Variants in MATK observed in about 807,000 individuals in gnomAD.
The protein encoded by MATK is megakaryocyte-associated tyrosine-protein kinase.
In MATK, 41 loss-of-function variants were observed where a neutral mutation model predicts 59.8. The ratio of observed to expected loss-of-function variants is 0.69; its 90% CI spans 0.53 to 0.89. The LOEUF (loss-of-function observed/expected upper bound fraction) is 0.89, where lower values mean the gene tolerates loss of function less well. Ranked by LOEUF, MATK falls within the 40% of genes least tolerant of loss-of-function variation. The pLI is 0.00. For synonymous variants in MATK, 308 were observed against 306.1 expected (o/e 1.01, Z -0.06); for missense variants, 593 against 719.6 (o/e 0.82, Z 2.01).
upstream of MATK, chr19:3,786,527 A>ACCCC (rs3833281): frequency 1.5e-5 from 5 of 344,724 alleles, no homozygotes; most frequent in Non-Finnish European, 1.6e-5. This position sits in a 1 kb window ranked among gnomAD's most constrained non-coding sequence, Gnocchi z 4.1. Context: ...TCGGGCGTGC[A>ACCCC]CCCCCCACCC....
upstream of MATK, chr19:3,787,645 C>G (rs1447427394): frequency 6.6e-6 from 1 of 151,002 alleles, no homozygotes; most frequent in Non-Finnish European, 1.5e-5. Context: ...TTCGGCCTCC[C>G]AAAGTGCTGG....
At chr19:3,780,414 AT>A (rs1374027646) in intron 8 of MATK, among the ~76,000 whole-genome samples, 1 of 151,282 alleles carries the variant, frequency 6.6e-6, no homozygotes. Context: ...TGTTTTTTGC[AT>A]TTTTATTTTT....
At chr19:3,795,179 G>T (rs1450040587) in intron 1 of MATK, among the ~76,000 whole-genome samples, 1 of 151,134 alleles carries the variant, frequency 6.6e-6, no homozygotes, top group Non-Finnish European at 1.5e-5. Context: ...GGATTTCATC[G>T]TGTTAGCCAG....
At position 3,785,267 on chromosome 19, in the gene MATK, AGCCTG is replaced by A; in HGVS notation, c.-137_-133del. 1 of 1,527,994 alleles carries A rather than the reference AGCCTG, an allele frequency of 6.5e-7. No homozygotes were observed. Among genetic ancestry groups the A allele is most frequent in the Admixed American group, 2.1e-5 (1 of 47,868 alleles). 94.7% of individuals were successfully genotyped at this position (1,527,994 alleles called of 1,614,324 possible). A position where few individuals can be genotyped will look rare whatever the true frequency, so the allele number is the denominator to read the frequency against. On this transcript the variant is annotated 5_prime_UTR_variant, in exon 2 of 14. Transcript: ENST00000310132. ...TAGGGAGCTGGGTGCCACTGGACCG[AGCCTG>A]GTTCTTCCTGTTTTCTGGTTGGTAG...
intron 7 of MATK, among the ~76,000 whole-genome samples, chr19:3,782,078 T>C (rs1268609972): frequency 1.3e-5 from 2 of 152,126 alleles, no homozygotes; most frequent in East Asian, 3.9e-4. Flanking sequence ...TTTGGCTCTC[T>C]TGTCCCTCCA....
At chr19:3,784,284 G>A in intron 4 of MATK, 45 bp from the exon 5 acceptor site, 1 of 1,595,294 alleles carries the variant, frequency 6.3e-7, no homozygotes. Context: ...GTGTGGGGGT[G>A]GTCCTGGTGG....
At chr19:3,790,044 GGT>G, upstream of MATK, among the ~76,000 whole-genome samples, 1 of 152,176 alleles carries the variant, frequency 6.6e-6, no homozygotes, top group African/African-American at 2.4e-5. Flanking sequence ...TGGGATTACA[GGT>G]GCCCGCCACC....
chr19:3,786,873 G>A (rs184489209), upstream of MATK, among the ~76,000 whole-genome samples: 264 of 152,250 alleles, frequency 1.7e-3, 1 homozygote, highest in African/African-American at 6.2e-3. The surrounding 1 kb of genome is among the most constrained non-coding windows in gnomAD (Gnocchi z 4.1). Context: ...ACTTCTTAGA[G>A]CTGCCCTCCT....
At chr19:3,789,792 T>G (rs137997526), upstream of MATK, among the ~76,000 whole-genome samples, 72,883 of 147,762 alleles carry the variant, frequency 0.49, 19,446 homozygotes, top group South Asian at 0.68. Flanking sequence ...TGGCCTGATC[T>G]CGGCTCACTG....
At chr19:3,793,934 C>A (rs559231530) in intron 1 of MATK, among the ~76,000 whole-genome samples, 1 of 151,954 alleles carries the variant, frequency 6.6e-6, no homozygotes, top group East Asian at 1.9e-4. Context: ...GTGTGCCTCC[C>A]GGTGCTTTGT....
chr19:3,795,082 A>G (rs1380592664), intron 1 of MATK, among the ~76,000 whole-genome samples: 1 of 141,672 alleles, frequency 7.1e-6, no homozygotes, highest in Admixed American at 7.7e-5. Flanking sequence ...GGTTCACACC[A>G]TTGTCCTGCC....
At chr19:3,785,805 C>T (rs1212217220) in intron 1 of MATK, 1 of 153,282 alleles carries the variant, frequency 6.5e-6, no homozygotes, top group Non-Finnish European at 1.5e-5. Context: ...AGCCGCCCCA[C>T]ACTGGAACAC....
chr19:3,784,041 C>A lies in MATK; in HGVS notation c.363-8G>T, dbSNP rs750746631. ...ATCTTCCCGTGGAACCACCTGCGGC[C>A]ACGGAAGGGGTGGGTCAGACTGGGC... is the stretch of plus-strand genomic sequence containing the variant. On this transcript the variant is annotated splice_polypyrimidine_tract_variant and splice_region_variant and intron_variant, in intron 5 of 13. Transcript: ENST00000310132. The A allele has an allele frequency of 6.2e-7, 1 of 1,601,226 alleles. No individual in the cohort carries two copies. The highest frequency in any genetic ancestry group is 1.1e-5 in the South Asian group (1 of 90,014).
intron 7 of MATK, among the ~76,000 whole-genome samples, chr19:3,782,339 C>T (rs2037413532): frequency 6.6e-6 from 1 of 152,136 alleles, no homozygotes; most frequent in Non-Finnish European, 1.5e-5. Flanking sequence ...GATCATTGGC[C>T]AGGGTGATGC....
upstream of MATK, chr19:3,789,304 C>T (rs73531488): frequency 5.7e-3 from 4,406 of 779,258 alleles, 129 homozygotes; most frequent in African/African-American, 0.065. Flanking sequence ...GGTCCCTCGC[C>T]GAGGTCTGCC....
intron 1 of MATK, among the ~76,000 whole-genome samples, chr19:3,796,923 C>T (rs2037600374): frequency 6.6e-6 from 1 of 152,136 alleles, no homozygotes; most frequent in African/African-American, 2.4e-5. Flanking sequence ...AGAAGTTGTC[C>T]TGTTTCCTCA....
chr19:3,784,263 TAGTGTGGGG>T, intron 4 of MATK, 24 bp from the exon 5 acceptor site: 1 of 1,604,760 alleles, frequency 6.2e-7, no homozygotes, highest in Non-Finnish European at 8.5e-7. Flanking sequence ...AGCACGGGGT[TAGTGTGGGG>T]GGTGTGGGGG....
chr19:3,801,323 C>A (rs948621220), intron 1 of MATK, among the ~76,000 whole-genome samples: 1 of 152,058 alleles, frequency 6.6e-6, no homozygotes, highest in Non-Finnish European at 1.5e-5. Flanking sequence ...CCAAACGACC[C>A]CCGAGCCTGG....
Position 3,784,189 on chromosome 19 carries a change from C to T in MATK, c.297G>A (p.Leu99=), listed in dbSNP as rs376707803. The T allele has an allele frequency of 6.2e-7, 1 of 1,613,532 alleles. No individual in the cohort carries two copies. The highest frequency in any genetic ancestry group is 1.3e-5 in the African/African-American group (1 of 74,936). ...GCTCCCGCAGCGCCCCAGCTGCCAG[C>T]AGCCCCTCCTGTCCACTGGTGTGGT... ...VKHHTSGQEG[L]LAAGALRERE... Residue 99 remains leucine (L), a synonymous_variant, in exon 5 of 14, where the codon CTG becomes CTA. Transcript: ENST00000310132.
Sources: allele counts gnomAD v4.1 joint callset (sites outside exome capture counted in the v4.1 genomes callset), GRCh38; gene constraint gnomAD v4.1.1; non-coding constraint Gnocchi (gnomAD v3.1); transcripts MANE v1.5; gene names NCBI Gene and HGNC (gene_info 2026-07-23, HGNC 2026-07-21).